Variants in TUBB4B observed in about 807,000 individuals in gnomAD.
TUBB4B encodes tubulin beta 4B class IVb.
A neutral mutation model predicts 34.3 loss-of-function variants in TUBB4B; 7 were observed. The observed-to-expected ratio is 0.20, with a 90% CI of 0.12 to 0.38. TUBB4B has a LOEUF of 0.38. Ranked by LOEUF, TUBB4B falls within the 10% of genes least tolerant of loss-of-function variation. The pLI, the probability that TUBB4B is intolerant of heterozygous loss-of-function variation, is 1.00. For synonymous variants in TUBB4B, 390 were observed against 250.2 expected (o/e 1.56, Z -5.27); for missense variants, 178 against 610.9 (o/e 0.29, Z 7.47).
chr9:137,241,901 G>T lies in TUBB4B; in HGVS notation c.167-10G>T. 1.9e-6 allele frequency: 3 copies of T among 1,610,806 alleles called. No homozygotes were observed. Among genetic ancestry groups the T allele is most frequent in the Non-Finnish European group, 2.5e-6 (3 of 1,178,900 alleles). On this transcript the variant is annotated splice_polypyrimidine_tract_variant and intron_variant, in intron 2 of 3. Transcript: ENST00000340384. Reference sequence around the variant, plus strand: ...CCCCTGCCTTGGCTGACGCCCTCCCGTCCCCGCAGGCGGCAAGTACGTGCC... The same window carrying T: ...CCCCTGCCTTGGCTGACGCCCTCCCTTCCCCGCAGGCGGCAAGTACGTGCC...
At position 137,242,124 on chromosome 9, in the gene TUBB4B, C is replaced by T. The variant is rs534156160; in HGVS notation, c.277+103C>T. On this transcript the variant is annotated intron_variant, in intron 3 of 3. Coordinates refer to ENST00000340384, the MANE Select transcript of TUBB4B (RefSeq NM_006088.6). ...AGCCGGGGCCCCTGGACGCCCTCCT[C>T]TTCTCTGAGCCACTCAATCCCCTCT... 8.2e-5 allele frequency: 94 copies of T among 1,143,558 alleles called. 1 individual carries two copies. Among genetic ancestry groups the T allele is most frequent in the Non-Finnish European group, 8.0e-5 (65 of 808,616 alleles). 70.8% of individuals were successfully genotyped at this position (1,143,558 alleles called of 1,614,324 possible).
In TUBB4B at chr9:137,241,311, G is replaced by GCTGCTGTTTGTCTACTTCCTC. The variant is rs1564425755; in HGVS notation, c.-44_-24dup. 6.3e-7 allele frequency: 1 copy of GCTGCTGTTTGTCTACTTCCTC among 1,578,306 alleles called. No homozygotes were observed. Among genetic ancestry groups the GCTGCTGTTTGTCTACTTCCTC allele is most frequent in the African/African-American group, 1.4e-5 (1 of 73,404 alleles). ...TAGCACTCTGCGCGCCCGCTCTTCT[G>GCTGCTGTTTGTCTACTTCCTC]CTGCTGTTTGTCTACTTCCTCCTGC... is the stretch of plus-strand genomic sequence containing the variant. On this transcript the variant is annotated 5_prime_UTR_variant, in exon 1 of 4. Transcript: ENST00000340384.
chr9:137,243,580 A>C lies in TUBB4B; in HGVS notation c.*24A>C. 6.2e-7 allele frequency: 1 copy of C among 1,613,600 alleles called. No individual in the cohort carries two copies. Among genetic ancestry groups the C allele is most frequent in the South Asian group, 1.1e-5 (1 of 91,088 alleles). On this transcript the variant is annotated 3_prime_UTR_variant, in exon 4 of 4. Transcript: ENST00000340384. ...AGAGCCTTCAGTCACTGGGGAAAGC[A>C]GGGAAGCAGTGTGAACTCTTTATTC...
chr9:137,241,514 G>A (rs1412613019), intron 1 of TUBB4B, 97 bp downstream of exon 1: 19 of 1,084,740 alleles, frequency 1.8e-5, no homozygotes, highest in South Asian at 4.4e-5. Flanking sequence ...CGGCGCCCCC[G>A]CATTGCGGCC....
In TUBB4B at chr9:137,243,574, G is replaced by T; in HGVS notation, c.*18G>T. The T allele has an allele frequency of 1.2e-6, 2 of 1,613,682 alleles. No individual in the cohort carries two copies. Among genetic ancestry groups the T allele is most frequent in the Non-Finnish European group, 1.7e-6 (2 of 1,179,696 alleles). On this transcript the variant is annotated 3_prime_UTR_variant, in exon 4 of 4. Transcript: ENST00000340384. ...TGGCCTAGAGCCTTCAGTCACTGGG[G>T]AAAGCAGGGAAGCAGTGTGAACTCT...
chr9:137,242,893 G>A lies in TUBB4B; in HGVS notation c.675G>A (p.Leu225=). Residue 225 remains leucine, a synonymous_variant, in exon 4 of 4, where the codon CTG becomes CTA. Coordinates refer to ENST00000340384, the MANE Select transcript of TUBB4B (RefSeq NM_006088.6). ...LKLTTPTYGD[L]NHLVSATMSG... ...TGACCACGCCCACCTATGGTGACCT[G>A]AACCACCTGGTGTCTGCTACCATGA... is the stretch of plus-strand genomic sequence containing the variant. 1 of 1,613,226 alleles carries A rather than the reference G, an allele frequency of 6.2e-7. No individual in the cohort carries two copies.
chr9:137,242,545 C>G lies in TUBB4B; in HGVS notation c.327C>G (p.Gly109=). The change falls in exon 4 of 4, where the codon GGC becomes GGG. Residue 109 remains glycine (G), a synonymous_variant. Coordinates refer to ENST00000340384, the MANE Select transcript of TUBB4B (RefSeq NM_006088.6). ...GGGCCAAGGGGCACTACACAGAAGG[C>G]GCGGAGCTGGTGGACTCGGTGCTGG... is the stretch of plus-strand genomic sequence containing the variant. ...NNWAKGHYTE[G]AELVDSVLDV... The G allele has an allele frequency of 6.2e-7, 1 of 1,613,900 alleles. No homozygotes were observed. The highest frequency in any genetic ancestry group is 8.5e-7 in the Non-Finnish European group (1 of 1,179,998).
intron 2 of TUBB4B, 35 bp from the exon 3 acceptor site, chr9:137,241,876 C>T (rs745829451): frequency 5.3e-5 from 86 of 1,611,486 alleles, no homozygotes; most frequent in Non-Finnish European, 6.7e-5. Flanking sequence ...GACCCCGCGG[C>T]CCCTGCCTTG....
At position 137,243,592 on chromosome 9, in the gene TUBB4B, T is replaced by G. The variant is rs1836804211; in HGVS notation, c.*36T>G. The G allele has an allele frequency of 2.5e-6, 4 of 1,613,434 alleles. No homozygotes were observed. Among genetic ancestry groups the G allele is most frequent in the Non-Finnish European group, 3.4e-6 (4 of 1,179,530 alleles). On this transcript the variant is annotated 3_prime_UTR_variant, in exon 4 of 4. Transcript: ENST00000340384. Reference sequence around the variant, plus strand: ...CACTGGGGAAAGCAGGGAAGCAGTGTGAACTCTTTATTCACTCCCAGCCTG... The same window carrying G: ...CACTGGGGAAAGCAGGGAAGCAGTGGGAACTCTTTATTCACTCCCAGCCTG...
Position 137,243,035 on chromosome 9 carries a change from C to T in TUBB4B, c.817C>T (p.Leu273=), listed in dbSNP as rs758179543. 23 of 1,612,928 alleles carry T rather than the reference C, an allele frequency of 1.4e-5. No homozygotes were observed. The highest frequency in any genetic ancestry group is 1.7e-4 in the Middle Eastern group (1 of 6,026). Residue 273 remains leucine (L), a synonymous_variant, in exon 4 of 4, where the codon CTG becomes TTG. Coordinates refer to ENST00000340384, the MANE Select transcript of TUBB4B (RefSeq NM_006088.6). Reference sequence around the variant, plus strand: ...CTTCTTCATGCCCGGCTTTGCCCCACTGACCAGCCGGGGCAGCCAGCAGTA... The same window carrying T: ...CTTCTTCATGCCCGGCTTTGCCCCATTGACCAGCCGGGGCAGCCAGCAGTA... ...LHFFMPGFAP[L]TSRGSQQYRA...
At chr9:137,241,883 C>T (rs927266468) in intron 2 of TUBB4B, 28 bp from the exon 3 acceptor site, 4 of 1,611,358 alleles carry the variant, frequency 2.5e-6, no homozygotes, top group Non-Finnish European at 3.4e-6. Flanking sequence ...CGGCCCCTGC[C>T]TTGGCTGACG....
rs1034436262 is a variant in TUBB4B, at chr9:137,242,169, C to T, written c.277+148C>T. 29 of 820,048 alleles carry T rather than the reference C, an allele frequency of 3.5e-5. No homozygotes were observed. The African/African-American group carries it at 4.5e-4, about 13-fold the overall frequency. 50.8% of individuals were successfully genotyped at this position (820,048 alleles called of 1,614,324 possible). A position where few individuals can be genotyped will look rare whatever the true frequency, so the allele number is the denominator to read the frequency against. ...CCCTCTACTAAATCGGCTTTGGGAGCAAGGTCCAGCTGTCTGCCGAGGCGA... is the reference window on the plus strand; with the variant it reads ...CCCTCTACTAAATCGGCTTTGGGAGTAAGGTCCAGCTGTCTGCCGAGGCGA... On this transcript the variant is annotated intron_variant, in intron 3 of 3. Coordinates refer to ENST00000340384, the MANE Select transcript of TUBB4B (RefSeq NM_006088.6).
intron 3 of TUBB4B, 115 bp downstream of exon 3, chr9:137,242,136 A>AC: frequency 9.5e-7 from 1 of 1,049,806 alleles, no homozygotes; most frequent in Non-Finnish European, 1.4e-6. Context: ...TCTCTGAGCC[A>AC]CTCAATCCCC....
Position 137,241,722 on chromosome 9 carries a change from T to G in TUBB4B, c.59T>G (p.Phe20Cys), listed in dbSNP as rs750931435. 1.9e-6 allele frequency: 3 copies of G among 1,607,258 alleles called. No individual in the cohort carries two copies. Among genetic ancestry groups the G allele is most frequent in the Non-Finnish European group, 1.7e-6 (2 of 1,176,548 alleles). ...GQCGNQIGAK[F>C]WEVISDEHGI... Reference sequence around the variant, plus strand: ...CGGGCCCGCCCGCGTCCCTTGTAGTTTTGGGAGGTGATCAGCGATGAGCAC... The same window carrying G: ...CGGGCCCGCCCGCGTCCCTTGTAGTGTTGGGAGGTGATCAGCGATGAGCAC... The change falls in exon 2 of 4, where the codon TTT becomes TGT. Residue 20 changes from phenylalanine (F) to cysteine (C), a missense_variant and splice_region_variant. Phe to Cys is a radical substitution (Grantham distance 205). Coordinates refer to ENST00000340384, the MANE Select transcript of TUBB4B (RefSeq NM_006088.6).
rs948663318 is a variant in TUBB4B, at chr9:137,243,526, C to T, written c.1308C>T (p.Phe436=). ...CCACAGCCGAGGAGGAGGGCGAGTT[C>T]GAGGAGGAGGCTGAGGAGGAGGTGG... The part of the protein sequence containing the change: ...QDATAEEEGE[F]EEEAEEEVA The change falls in exon 4 of 4, where the codon TTC becomes TTT. Residue 436 remains phenylalanine, a synonymous_variant. Coordinates refer to ENST00000340384, the MANE Select transcript of TUBB4B (RefSeq NM_006088.6). 5.1e-5 allele frequency: 82 copies of T among 1,613,722 alleles called. No individual in the cohort carries two copies. Among genetic ancestry groups the T allele is most frequent in the Middle Eastern group, 3.3e-4 (2 of 6,084 alleles).
Position 137,242,129 on chromosome 9 carries a change from C to G in TUBB4B, c.277+108C>G. 13 of 1,102,520 alleles carry G rather than the reference C, an allele frequency of 1.2e-5. No homozygotes were observed. In the South Asian group the frequency reaches 1.8e-4, roughly 16 times the overall value. The allele number at this position is 1,102,520 out of a possible 1,614,324, so 68.3% of individuals were successfully genotyped here. ...GGGCCCCTGGACGCCCTCCTCTTCT[C>G]TGAGCCACTCAATCCCCTCTACTAA... On this transcript the variant is annotated intron_variant, in intron 3 of 3. Coordinates refer to ENST00000340384, the MANE Select transcript of TUBB4B (RefSeq NM_006088.6).
chr9:137,241,626 G>C (rs1836745502), intron 1 of TUBB4B, 95 bp from the exon 2 acceptor site: 1 of 847,694 alleles, frequency 1.2e-6, no homozygotes, highest in Non-Finnish European at 1.5e-6. Context: ...GGGAGGGCCG[G>C]GCTGCCGCGC....
chr9:137,243,066 C>T lies in TUBB4B; in HGVS notation c.848C>T (p.Ala283Val). The change falls in exon 4 of 4, where the codon GCG becomes GTG. Residue 283 changes from alanine (A) to valine (V), a missense_variant. Physicochemically the swap from Ala to Val is moderately conservative, Grantham distance 64 (BLOSUM62 0). Transcript: ENST00000340384. ...LTSRGSQQYRALTVPELTQQM... is the reference protein window; with the variant it reads ...LTSRGSQQYRVLTVPELTQQM... The stretch of plus-strand genomic sequence containing the variant: ...AGCCGGGGCAGCCAGCAGTACCGGG[C>T]GCTGACCGTGCCCGAGCTCACCCAG... 6.2e-7 allele frequency: 1 copy of T among 1,612,968 alleles called. No individual in the cohort carries two copies. Among genetic ancestry groups the T allele is most frequent in the Non-Finnish European group, 8.5e-7 (1 of 1,180,028 alleles).
In TUBB4B at chr9:137,243,142, C is replaced by T. The variant is rs1836791546; in HGVS notation, c.924C>T (p.Gly308=). The change falls in exon 4 of 4, where the codon GGC becomes GGT. Residue 308 remains glycine (G), a synonymous_variant. Coordinates refer to ENST00000340384, the MANE Select transcript of TUBB4B (RefSeq NM_006088.6). ...TGGCTGCCTGCGACCCCCGCCATGG[C>T]CGCTACCTGACGGTTGCCGCCGTGT... ...NMMAACDPRH[G]RYLTVAAVFR... is the part of the protein sequence containing the mutation. 5.6e-6 allele frequency: 9 copies of T among 1,613,096 alleles called. No homozygotes were observed. Among genetic ancestry groups the T allele is most frequent in the Non-Finnish European group, 7.6e-6 (9 of 1,180,034 alleles).
Sources: allele counts gnomAD v4.1 joint callset, GRCh38; gene constraint gnomAD v4.1.1; transcripts MANE v1.5; gene names NCBI Gene and HGNC (gene_info 2026-07-23, HGNC 2026-07-21).